Variants in DAPK1 observed in about 807,000 individuals in gnomAD.
The protein encoded by DAPK1 is death associated protein kinase 1.
A neutral mutation model predicts 144.9 loss-of-function variants in DAPK1; 56 were observed. The observed-to-expected ratio is 0.39, with a 90% CI of 0.31 to 0.48. The LOEUF is 0.48. Ranked by LOEUF, DAPK1 falls within the 20% of genes least tolerant of loss-of-function variation. The probability of loss-of-function intolerance (pLI) is 0.95; values close to 1 mark genes in which losing one functional copy is unlikely to be tolerated. For synonymous variants in DAPK1, 690 were observed against 749.0 expected (o/e 0.92, Z 1.29); for missense variants, 1,454 against 1,875.4 (o/e 0.78, Z 4.15).
chr9:87,549,670 G>C (rs963915018), intron 2 of DAPK1, among the ~76,000 whole-genome samples: 1 of 152,056 alleles, frequency 6.6e-6, no homozygotes, highest in African/African-American at 2.4e-5. Context: ...ATGTCCCCTC[G>C]CCCCTCCTTT....
At chr9:87,704,360 AT>A (rs1156697888) in intron 25 of DAPK1, among the ~76,000 whole-genome samples, 1 of 152,140 alleles carries the variant, frequency 6.6e-6, no homozygotes, top group Non-Finnish European at 1.5e-5. Flanking sequence ...AGTCTCCTTT[AT>A]TTGTCATTAC....
At chr9:87,580,424 G>T (rs1458790542) in intron 2 of DAPK1, among the ~76,000 whole-genome samples, 1 of 152,110 alleles carries the variant, frequency 6.6e-6, no homozygotes, top group Non-Finnish European at 1.5e-5. Flanking sequence ...CTACATGCGG[G>T]TGGTTCCCAG....
At chr9:87,527,471 T>C (rs1305732878) in intron 2 of DAPK1, among the ~76,000 whole-genome samples, 1 of 152,138 alleles carries the variant, frequency 6.6e-6, no homozygotes, top group Non-Finnish European at 1.5e-5. Context: ...GACCATGCGC[T>C]GTACAGGGAA....
intron 3 of DAPK1, among the ~76,000 whole-genome samples, chr9:87,616,248 G>T (rs36208407): frequency 0.075 from 11,404 of 152,258 alleles, 580 homozygotes; most frequent in African/African-American, 0.15. Flanking sequence ...CTTCATGGGG[G>T]CTCTGGTGTG....
intron 2 of DAPK1, among the ~76,000 whole-genome samples, chr9:87,558,084 G>A (rs1239263292): frequency 6.6e-6 from 1 of 152,174 alleles, no homozygotes; most frequent in African/African-American, 2.4e-5. Flanking sequence ...TTGATCAGCA[G>A]CATTGTGAGG....
chr9:87,707,446 C>T lies in DAPK1; in HGVS notation c.*82C>T. On this transcript the variant is annotated 3_prime_UTR_variant, in exon 26 of 26. Coordinates refer to ENST00000408954, the MANE Select transcript of DAPK1 (RefSeq NM_004938.4). This position sits in a 1 kb window ranked among gnomAD's most constrained non-coding sequence, Gnocchi z 4.0. The stretch of plus-strand genomic sequence containing the variant: ...TAGCCCATCCTTCCCTTTGGAGATG[C>T]TGAGGGTGTTTCTTCCTGCACCCAC... 1 of 982,374 alleles carries T rather than the reference C, an allele frequency of 1.0e-6. No individual in the cohort carries two copies. The highest frequency in any genetic ancestry group is 1.5e-6 in the Non-Finnish European group (1 of 663,000). 60.9% of individuals were successfully genotyped at this position (982,374 alleles called of 1,614,324 possible).
At chr9:87,576,869 G>A (rs1435684200) in intron 2 of DAPK1, among the ~76,000 whole-genome samples, 15 of 151,978 alleles carry the variant, frequency 9.9e-5, no homozygotes, top group African/African-American at 2.9e-4. Context: ...CCTGGATCTC[G>A]GTTTTAATTG....
In DAPK1 at chr9:87,658,117, C is replaced by A; in HGVS notation, c.1913C>A (p.Ala638Glu). Residue 638 changes from alanine to glutamate, a missense_variant, in exon 18 of 26, where the codon GCG becomes GAG. Ala to Glu is a moderately radical substitution (Grantham distance 107, BLOSUM62 -1). Around this residue, in one of 2 missense-constraint regions of DAPK1, gnomAD observed 1,025 missense variants for 1,237.9 expected, o/e 0.83. Coordinates refer to ENST00000408954, the MANE Select transcript of DAPK1 (RefSeq NM_004938.4). ...YLCLMGASVE[A>E]LTTDGKTAED... Reference sequence around the variant, plus strand: ...TGTCTGATGGGAGCCAGCGTTGAGGCGCTGACCACGGTGAGTGCCCACAGG... The same window carrying A: ...TGTCTGATGGGAGCCAGCGTTGAGGAGCTGACCACGGTGAGTGCCCACAGG... 1 of 1,398,372 alleles carries A rather than the reference C, an allele frequency of 7.2e-7. No individual in the cohort carries two copies. Among genetic ancestry groups the A allele is most frequent in the Non-Finnish European group, 1.0e-6 (1 of 985,278 alleles). 86.6% of individuals were successfully genotyped at this position (1,398,372 alleles called of 1,614,324 possible). A position where few individuals can be genotyped will look rare whatever the true frequency, so the allele number is the denominator to read the frequency against.
At chr9:87,689,027 G>A (rs1488244308) in intron 21 of DAPK1, among the ~76,000 whole-genome samples, 1 of 152,070 alleles carries the variant, frequency 6.6e-6, no homozygotes, top group Non-Finnish European at 1.5e-5. Flanking sequence ...TATCCAAAAT[G>A]GTGTTTCCTA....
chr9:87,516,441 C>T (rs1018331889), intron 2 of DAPK1, among the ~76,000 whole-genome samples: 16 of 152,088 alleles, frequency 1.1e-4, no homozygotes, highest in Admixed American at 9.8e-4. Context: ...GTCATGGCCC[C>T]GCAACTTCCC....
chr9:87,559,766 C>A (rs897206524), intron 2 of DAPK1, among the ~76,000 whole-genome samples: 4 of 152,128 alleles, frequency 2.6e-5, no homozygotes, highest in African/African-American at 9.7e-5. Context: ...CGAATGTCTA[C>A]AATAGTCCCG....
rs1264642453 is a variant in DAPK1 at position 87,558,444 on chromosome 9, A to C, written c.63-46510A>C. ...AGTCGAATAAGCTTTGCAACTAAAA[A>C]TCTTCCATGAATACAGGATCTCAGA... On this transcript the variant is annotated intron_variant, in intron 2 of 25. Transcript: ENST00000408954. Among the ~76,000 whole-genome samples, 3 of 152,226 alleles carry C rather than the reference A, an allele frequency of 2.0e-5. No homozygotes were observed. In the East Asian group the frequency reaches 5.8e-4, roughly 29 times the overall value.
intron 2 of DAPK1, among the ~76,000 whole-genome samples, chr9:87,533,300 G>A (rs2118379547): frequency 6.6e-6 from 1 of 152,372 alleles, no homozygotes; most frequent in African/African-American, 2.4e-5. Flanking sequence ...TTAGGCACCA[G>A]ACCAGTATTG....
chr9:87,572,921 G>A (rs36203856), intron 2 of DAPK1, among the ~76,000 whole-genome samples: 93 of 152,182 alleles, frequency 6.1e-4, no homozygotes, highest in African/African-American at 2.2e-3. Context: ...GCATTGGGTG[G>A]TGAGGTTCTA....
intron 2 of DAPK1, among the ~76,000 whole-genome samples, chr9:87,528,219 CT>C (rs35842498): frequency 0.71 from 100,369 of 140,408 alleles, 35,602 homozygotes; most frequent in East Asian, 0.79. Flanking sequence ...TTCTTTCTTT[CT>C]TTTTTTTTTT....
chr9:87,688,872 C>T (rs1004300862), intron 21 of DAPK1, among the ~76,000 whole-genome samples: 4 of 152,082 alleles, frequency 2.6e-5, no homozygotes, highest in African/African-American at 9.7e-5. Context: ...TGAATATTTC[C>T]TCCCATTCTG....
intron 18 of DAPK1, among the ~76,000 whole-genome samples, chr9:87,666,060 C>G (rs1173865400): frequency 6.6e-6 from 1 of 152,220 alleles, no homozygotes; most frequent in Non-Finnish European, 1.5e-5. Flanking sequence ...AGAGATCTGA[C>G]TTCTGCCCCT....
intron 2 of DAPK1, among the ~76,000 whole-genome samples, chr9:87,514,007 C>T (rs188599702): frequency 1.3e-5 from 2 of 152,260 alleles, no homozygotes; most frequent in Admixed American, 1.3e-4. Flanking sequence ...ACAGCCACCT[C>T]CTCACACTCT....
At chr9:87,688,761 G>A (rs141927199) in intron 21 of DAPK1, among the ~76,000 whole-genome samples, 2 of 151,952 alleles carry the variant, frequency 1.3e-5, no homozygotes, top group African/African-American at 4.8e-5. Context: ...CGTGTCCTTT[G>A]CCCACTTTTT....
Sources: allele counts gnomAD v4.1 joint callset (sites outside exome capture counted in the v4.1 genomes callset), GRCh38; gene constraint gnomAD v4.1.1; regional missense constraint gnomAD v4.1.1; non-coding constraint Gnocchi (gnomAD v3.1); transcripts MANE v1.5; gene names NCBI Gene and HGNC (gene_info 2026-07-23, HGNC 2026-07-21).